Variants in CLYBL observed in about 807,000 individuals in gnomAD.
CLYBL encodes citramalyl-CoA lyase, mitochondrial.
CLYBL carries 31 observed loss-of-function variants against 38.9 expected under a neutral mutation model. The ratio of observed to expected loss-of-function variants is 0.80; its 90% CI spans 0.60 to 1.08. The LOEUF is 1.08. Among genes scored for constraint, CLYBL ranks in the 50% least tolerant of loss-of-function variants. CLYBL has a pLI of 0.00. For missense variants in CLYBL, 434 were observed against 411.6 expected (o/e 1.05, Z -0.47); for synonymous variants, 171 against 158.6 (o/e 1.08, Z -0.59).
intron 1 of CLYBL, among the ~76,000 whole-genome samples, chr13:99,613,587 C>CA (rs1566588501): frequency 2.0e-5 from 3 of 151,834 alleles, no homozygotes. Context: ...AAAGGGAGGA[C>CA]AGAGGTGGGA....
At chr13:99,621,554 G>C (rs1195442420) in intron 1 of CLYBL, among the ~76,000 whole-genome samples, 1 of 152,124 alleles carries the variant, frequency 6.6e-6, no homozygotes, top group Non-Finnish European at 1.5e-5. Flanking sequence ...CTGTTGCCAG[G>C]CCTGTTGATT....
At chr13:99,749,450 C>T (rs574626439) in intron 1 of CLYBL, among the ~76,000 whole-genome samples, 58 of 152,268 alleles carry the variant, frequency 3.8e-4, no homozygotes, top group Admixed American at 1.2e-3. Flanking sequence ...CGTTCCTTCC[C>T]GGTGCCCCTG....
At chr13:99,899,835 G>A (rs1268272789), downstream of CLYBL, among the ~76,000 whole-genome samples, 2 of 152,156 alleles carry the variant, frequency 1.3e-5, no homozygotes, top group Non-Finnish European at 2.9e-5. Flanking sequence ...CCAAACCTGC[G>A]CACAGTAGAG....
intron 1 of CLYBL, among the ~76,000 whole-genome samples, chr13:99,729,945 G>A (rs4988681): frequency 2.4e-4 from 34 of 144,528 alleles, no homozygotes; most frequent in African/African-American, 8.3e-4. Context: ...TGCCACCGTC[G>A]GTCCCTCATC....
chr13:99,754,115 A>AAAAAG (rs2049008350), intron 1 of CLYBL, among the ~76,000 whole-genome samples: 8 of 138,456 alleles, frequency 5.8e-5, no homozygotes, highest in Non-Finnish European at 9.3e-5. Context: ...AAAAAAAAAA[A>AAAAAG]GTATTAGGAC....
At chr13:99,634,517 G>A (rs1339741011) in intron 1 of CLYBL, among the ~76,000 whole-genome samples, 1 of 152,102 alleles carries the variant, frequency 6.6e-6, no homozygotes, top group African/African-American at 2.4e-5. Flanking sequence ...TTTCAGGAAG[G>A]ACACGCAAGA....
chr13:99,845,759 G>A (rs1320175581), intron 2 of CLYBL, among the ~76,000 whole-genome samples: 2 of 152,080 alleles, frequency 1.3e-5, no homozygotes, highest in Admixed American at 6.5e-5. Context: ...CTTGCTGGGG[G>A]GCCCTTAGCT....
chr13:99,732,652 T>C (rs1229117318), intron 1 of CLYBL, among the ~76,000 whole-genome samples: 1 of 152,198 alleles, frequency 6.6e-6, no homozygotes, highest in East Asian at 1.9e-4. Flanking sequence ...ACATACCTAT[T>C]AACTCAAGGT....
At chr13:99,614,504 T>C (rs2046677467) in intron 1 of CLYBL, among the ~76,000 whole-genome samples, 1 of 152,006 alleles carries the variant, frequency 6.6e-6, no homozygotes, top group Admixed American at 6.5e-5. Context: ...GCAGCCAAAC[T>C]GGTGAGCAAG....
chr13:99,754,206 TC>T (rs1440916631), intron 1 of CLYBL, among the ~76,000 whole-genome samples: 1 of 150,150 alleles, frequency 6.7e-6, no homozygotes, highest in Admixed American at 6.6e-5. Flanking sequence ...GCCCAGGAGT[TC>T]GAGACCAGCC....
intron 1 of CLYBL, among the ~76,000 whole-genome samples, chr13:99,728,284 T>C (rs1209105339): frequency 9.0e-6 from 1 of 111,622 alleles, no homozygotes; most frequent in African/African-American, 2.8e-5. Flanking sequence ...TCTTTTCTTT[T>C]TTTTTTTTTT....
At chr13:99,678,946 TTC>T (rs902185523) in intron 1 of CLYBL, among the ~76,000 whole-genome samples, 7 of 152,190 alleles carry the variant, frequency 4.6e-5, no homozygotes, top group African/African-American at 1.7e-4. Context: ...TAACCATTGT[TTC>T]TCTCACTCAA....
intron 7 of CLYBL, among the ~76,000 whole-genome samples, chr13:99,885,402 G>A (rs781109073): frequency 3.0e-4 from 45 of 152,264 alleles, no homozygotes; most frequent in Non-Finnish European, 4.9e-4. Flanking sequence ...CAGGGGACTG[G>A]CAGGAGATGA....
At chr13:99,777,667 A>G (rs2049550021) in intron 2 of CLYBL, among the ~76,000 whole-genome samples, 1 of 151,632 alleles carries the variant, frequency 6.6e-6, no homozygotes, top group African/African-American at 2.4e-5. Context: ...TAATTTTTGT[A>G]ATTTTAGTAG....
chr13:99,704,800 T>C (rs994639373), intron 1 of CLYBL, among the ~76,000 whole-genome samples: 2 of 152,204 alleles, frequency 1.3e-5, no homozygotes, highest in Non-Finnish European at 2.9e-5. Flanking sequence ...TACTTTGTTG[T>C]CAGCAGACGG....
intron 1 of CLYBL, among the ~76,000 whole-genome samples, chr13:99,750,596 C>T (rs1209299936): frequency 6.6e-6 from 1 of 151,636 alleles, no homozygotes; most frequent in African/African-American, 2.4e-5. Flanking sequence ...ATCGCTGGAA[C>T]CTGGGAGGCG....
intron 1 of CLYBL, among the ~76,000 whole-genome samples, chr13:99,762,321 TC>T (rs2049181910): frequency 6.6e-6 from 1 of 152,204 alleles, no homozygotes; most frequent in Admixed American, 6.5e-5. Context: ...AAGTCTTTGA[TC>T]CATTTTTACT....
At chr13:99,872,159 T>C (rs111417561) in intron 7 of CLYBL, among the ~76,000 whole-genome samples, 1,749 of 152,290 alleles carry the variant, frequency 0.011, 37 homozygotes, top group African/African-American at 0.04. Flanking sequence ...TCCCTAAGGA[T>C]GTCCACATTC....
At chr13:99,861,084 C>G (rs1166437451) in intron 3 of CLYBL, among the ~76,000 whole-genome samples, 1 of 152,166 alleles carries the variant, frequency 6.6e-6, no homozygotes, top group African/African-American at 2.4e-5. Flanking sequence ...TTCTTCTCCT[C>G]CCCCTACCCC....
Sources: gnomAD v4.1 joint callset for allele counts (sites outside exome capture counted in the v4.1 genomes callset) on GRCh38, gnomAD v4.1.1 for gene constraint, MANE v1.5 for transcripts, NCBI Gene and HGNC (gene_info 2026-07-23, HGNC 2026-07-21) for gene names.